BICDL1: variants seen among roughly 807,000 people sequenced by gnomAD.
The protein encoded by BICDL1 is BICD family like cargo adaptor 1.
Under a neutral mutation model 76.8 loss-of-function variants are expected in BICDL1, and 20 were observed. That is an observed-to-expected ratio of 0.26 (90% CI 0.18 to 0.38). The LOEUF is 0.38. Among genes scored for constraint, BICDL1 ranks in the 10% least tolerant of loss-of-function variants. The pLI is 1.00. For synonymous variants in BICDL1, 383 were observed against 337.1 expected (o/e 1.14, Z -1.49); for missense variants, 700 against 798.6 (o/e 0.88, Z 1.49).
chr12:120,003,846 T>G (rs1361509189), intron 2 of BICDL1, among the ~76,000 whole-genome samples: 1 of 152,250 alleles, frequency 6.6e-6, no homozygotes, highest in Non-Finnish European at 1.5e-5. Flanking sequence ...AATGAGCCTT[T>G]TAGCTTTTAC....
chr12:120,066,817 T>TA (rs1267676984), intron 4 of BICDL1, among the ~76,000 whole-genome samples: 1 of 152,092 alleles, frequency 6.6e-6, no homozygotes, highest in East Asian at 1.9e-4. Flanking sequence ...GATACAGAAA[T>TA]AAAAAATCCA....
chr12:120,016,667 A>G (rs1164956654), intron 2 of BICDL1, among the ~76,000 whole-genome samples: 2 of 151,852 alleles, frequency 1.3e-5, no homozygotes, highest in African/African-American at 2.4e-5. Flanking sequence ...CAGTTTGTCC[A>G]TCTTAGCCTC....
intron 2 of BICDL1, among the ~76,000 whole-genome samples, chr12:120,035,011 G>A (rs1189017317): frequency 6.6e-6 from 1 of 152,150 alleles, no homozygotes; most frequent in African/African-American, 2.4e-5. Flanking sequence ...TTAGAGTTAG[G>A]TTGTTTCTGT....
chr12:120,092,455 C>A (rs972633500), intron 9 of BICDL1: 1 of 985,358 alleles, frequency 1.0e-6, no homozygotes. Flanking sequence ...CCCAGGGCAT[C>A]CTTGCCACGT....
chr12:120,010,006 G>GT (rs140492075), intron 2 of BICDL1, among the ~76,000 whole-genome samples: 1 of 152,182 alleles, frequency 6.6e-6, no homozygotes, highest in Non-Finnish European at 1.5e-5. Flanking sequence ...ACTTGAATGT[G>GT]TTTTTAAAAT....
In BICDL1 at chr12:120,072,670, A is replaced by G. The variant is rs1873198726; in HGVS notation, c.1249A>G (p.Thr417Ala). ...GGATGTGCCAGCCGGCAGCTTGCGCACTGCCCTCAATGAGCTCAAGAGACT... is the reference window on the plus strand; with the variant it reads ...GGATGTGCCAGCCGGCAGCTTGCGCGCTGCCCTCAATGAGCTCAAGAGACT... Reference protein sequence around the residue: ...AKDVPAGSLRTALNELKRLIQ... With the variant: ...AKDVPAGSLRAALNELKRLIQ... Residue 417 changes from threonine (T) to alanine (A), a missense_variant, in exon 6 of 10, where the codon ACT (threonine) becomes GCT (alanine). By Grantham distance (58) the Thr-to-Ala change is moderately conservative. This residue lies in a region of BICDL1 where 455 missense variants were observed against 548.7 expected (regional missense o/e 0.83). Coordinates refer to ENST00000548673, the MANE Select transcript of BICDL1 (RefSeq NM_001367886.1). The G allele has an allele frequency of 6.2e-7, 1 of 1,614,092 alleles. No individual in the cohort carries two copies. Among genetic ancestry groups the G allele is most frequent in the South Asian group, 1.1e-5 (1 of 91,064 alleles).
chr12:120,077,158 G>T (rs1241572177), intron 7 of BICDL1, among the ~76,000 whole-genome samples: 1 of 152,252 alleles, frequency 6.6e-6, no homozygotes, highest in African/African-American at 2.4e-5. Context: ...AACTAGGCCA[G>T]AGGTCAAAGG....
At chr12:120,064,591 A>C in intron 3 of BICDL1, 142 bp from the exon 4 acceptor site, 1 of 735,666 alleles carries the variant, frequency 1.4e-6, no homozygotes. Context: ...TTTCATAGCT[A>C]TTCTCTCAGA....
At chr12:120,074,355 C>T in intron 6 of BICDL1, 88 bp from the exon 7 acceptor site, 3 of 879,746 alleles carry the variant, frequency 3.4e-6, no homozygotes, top group Non-Finnish European at 4.1e-6. Context: ...TCCTCTCCTT[C>T]TCTCCCCGAC....
intron 2 of BICDL1, among the ~76,000 whole-genome samples, chr12:120,051,561 C>T (rs941752270): frequency 4.0e-5 from 6 of 151,704 alleles, no homozygotes; most frequent in Non-Finnish European, 8.8e-5. Flanking sequence ...ATTTGATCTT[C>T]GGATTGAAGG....
intron 2 of BICDL1, among the ~76,000 whole-genome samples, chr12:120,033,537 C>T (rs1053630318): frequency 9.9e-5 from 15 of 151,520 alleles, no homozygotes; most frequent in Admixed American, 7.9e-4. Flanking sequence ...CCTCCACGCC[C>T]GGCTAATTTT....
At chr12:120,060,133 A>G (rs981595407) in intron 2 of BICDL1, among the ~76,000 whole-genome samples, 2 of 152,244 alleles carry the variant, frequency 1.3e-5, no homozygotes, top group African/African-American at 4.8e-5. Context: ...TTGGAAAGCA[A>G]TTAGCACAGT....
At position 120,003,794 on chromosome 12, in the gene BICDL1, C is replaced by A. The variant is rs1028377388; in HGVS notation, c.645+5058C>A. 1.2e-4 allele frequency among the ~76,000 whole-genome samples: 18 copies of A among 152,252 alleles called. 1 individual carries two copies. Among genetic ancestry groups the A allele is most frequent in the African/African-American group, 3.6e-4 (15 of 41,546 alleles). The stretch of plus-strand genomic sequence containing the variant: ...GTCTGCAGGTTGGTCAGTTACAGAG[C>A]GATTGGTTCTGTAGTTCTCTGACTC... On this transcript the variant is annotated intron_variant, in intron 2 of 9. Coordinates refer to ENST00000548673, the MANE Select transcript of BICDL1 (RefSeq NM_001367886.1).
intron 8 of BICDL1, among the ~76,000 whole-genome samples, chr12:120,089,092 A>G (rs1364403551): frequency 6.6e-6 from 1 of 152,256 alleles, no homozygotes; most frequent in Non-Finnish European, 1.5e-5. Context: ...TCTTCAGGAC[A>G]GTTCCCCTAA....
At chr12:120,090,298 T>G (rs1874848694) in intron 9 of BICDL1, 1 of 494,610 alleles carries the variant, frequency 2.0e-6, no homozygotes, top group East Asian at 3.7e-5. Flanking sequence ...TGTCTGGAGA[T>G]GTAGTGATCT....
chr12:120,041,892 G>A (rs897728300), intron 2 of BICDL1, among the ~76,000 whole-genome samples: 10 of 152,224 alleles, frequency 6.6e-5, no homozygotes, highest in African/African-American at 2.4e-4. Context: ...GAGGAATCCT[G>A]TAGAATCTTA....
At position 119,989,462 on chromosome 12, in the gene BICDL1, G is replaced by GGCA. The variant is rs746391690; in HGVS notation, c.-392_-390dup. On this transcript the variant is annotated 5_prime_UTR_variant, in exon 1 of 10. Transcript: ENST00000548673. Reference sequence around the variant, plus strand: ...CGTGAGGCGCTGCCCGGCCGGCGGCGGCAGCAGCAGCAGCAGCGGCAGCGG... The same window carrying GGCA: ...CGTGAGGCGCTGCCCGGCCGGCGGCGGCAGCAGCAGCAGCAGCAGCGGCAGCGG... Among the ~76,000 whole-genome samples the GGCA allele has an allele frequency of 1.7e-3, 243 of 146,992 alleles. No homozygotes were observed. The highest frequency in any genetic ancestry group is 3.5e-3 in the Admixed American group (52 of 14,910).
chr12:120,065,197 G>A (rs747485317), intron 4 of BICDL1, among the ~76,000 whole-genome samples: 3 of 152,204 alleles, frequency 2.0e-5, no homozygotes, highest in Non-Finnish European at 4.4e-5. Context: ...TAGCATTTGC[G>A]AAATCTGCTA....
rs145206239 is a variant in BICDL1, at chr12:120,065,116, G to A, written c.909+237G>A. Reference sequence around the variant, plus strand: ...AATGTGTTCTGAGCCACTGGCCCACGGAGCAGTTTCACAGAGTTCTCTCTG... The same window carrying A: ...AATGTGTTCTGAGCCACTGGCCCACAGAGCAGTTTCACAGAGTTCTCTCTG... On this transcript the variant is annotated intron_variant, in intron 4 of 9. Transcript: ENST00000548673. 8.1e-3 allele frequency among the ~76,000 whole-genome samples: 1,231 copies of A among 152,314 alleles called. 17 individuals carry two copies. Among genetic ancestry groups the A allele is most frequent in the African/African-American group, 0.027 (1,122 of 41,564 alleles).
Sources: gnomAD v4.1 joint callset for allele counts (sites outside exome capture counted in the v4.1 genomes callset) on GRCh38, gnomAD v4.1.1 for gene constraint, gnomAD v4.1.1 regional missense constraint, MANE v1.5 for transcripts, NCBI Gene and HGNC (gene_info 2026-07-23, HGNC 2026-07-21) for gene names.